FAM13C: variants seen among roughly 807,000 people sequenced by gnomAD.
The protein encoded by FAM13C is family with sequence similarity 13 member C.
A neutral mutation model predicts 73.2 loss-of-function variants in FAM13C; 37 were observed. That is an observed-to-expected ratio of 0.51 (90% confidence interval 0.39 to 0.67). The LOEUF (loss-of-function observed/expected upper bound fraction) is 0.67, where lower values mean the gene tolerates loss of function less well. Ranked by LOEUF, FAM13C falls within the 30% of genes least tolerant of loss-of-function variation. The pLI is 0.00. For missense variants in FAM13C, 589 were observed against 715.6 expected, an observed-to-expected ratio of 0.82 and a Z score of 2.02; for synonymous variants, 246 against 260.9, an observed-to-expected ratio of 0.94 and a Z score of 0.55.
intron 3 of FAM13C, among the ~76,000 whole-genome samples, chr10:59,338,356 G>A (rs982249493): frequency 6.6e-6 from 1 of 152,040 alleles, no homozygotes; most frequent in Admixed American, 6.5e-5. Flanking sequence ...CACAACTACA[G>A]AAGTCCATGG....
intron 4 of FAM13C, among the ~76,000 whole-genome samples, chr10:59,307,432 A>C (rs1848385930): frequency 6.6e-6 from 1 of 152,212 alleles, no homozygotes; most frequent in South Asian, 2.1e-4. Flanking sequence ...ACTACCCCAG[A>C]GTGGGTCTTC....
At chr10:59,329,853 C>T (rs1235601135) in intron 3 of FAM13C, among the ~76,000 whole-genome samples, 1 of 152,084 alleles carries the variant, frequency 6.6e-6, no homozygotes, top group African/African-American at 2.4e-5. Context: ...TTCTCATTTA[C>T]TAGGAGGTAG....
At chr10:59,280,847 G>A (rs1170872027) in intron 6 of FAM13C, among the ~76,000 whole-genome samples, 1 of 152,180 alleles carries the variant, frequency 6.6e-6, no homozygotes, top group Non-Finnish European at 1.5e-5. Context: ...AGCCAATCAA[G>A]TCTATAGTGA....
At chr10:59,309,854 TA>T (rs1848719200) in intron 4 of FAM13C, among the ~76,000 whole-genome samples, 1 of 152,230 alleles carries the variant, frequency 6.6e-6, no homozygotes, top group Non-Finnish European at 1.5e-5. Flanking sequence ...CATATGTTTG[TA>T]AATAACGTAT....
chr10:59,362,847 C>T (rs949056315), upstream of FAM13C: 1 of 253,870 alleles, frequency 3.9e-6, no homozygotes, highest in Non-Finnish European at 7.4e-6. Context: ...GTGTTTCTGC[C>T]GAAGTGCTGA....
intron 3 of FAM13C, among the ~76,000 whole-genome samples, chr10:59,348,110 A>G (rs945913336): frequency 6.6e-6 from 1 of 152,224 alleles, no homozygotes; most frequent in African/African-American, 2.4e-5. Context: ...GAACCCCAAT[A>G]TGGCAGTAGC....
chr10:59,307,315 A>G (rs1244606390), intron 4 of FAM13C, among the ~76,000 whole-genome samples: 1 of 152,084 alleles, frequency 6.6e-6, no homozygotes, highest in Non-Finnish European at 1.5e-5. Context: ...TTGCTTCGTT[A>G]TGTGCTAGGC....
chr10:59,299,216 CATAA>C (rs1404994626), intron 5 of FAM13C, among the ~76,000 whole-genome samples: 1 of 151,908 alleles, frequency 6.6e-6, no homozygotes, highest in African/African-American at 2.4e-5. Flanking sequence ...CATTGTATCC[CATAA>C]ATATATACAA....
At chr10:59,263,503 ATTAAAG>A (rs1842722615) in intron 9 of FAM13C, among the ~76,000 whole-genome samples, 2 of 152,208 alleles carry the variant, frequency 1.3e-5, no homozygotes, top group South Asian at 2.1e-4. Flanking sequence ...GTCTCTAAGT[ATTAAAG>A]TTAGAGTGTG....
chr10:59,311,495 A>G (rs974973547), intron 4 of FAM13C, among the ~76,000 whole-genome samples: 1 of 152,136 alleles, frequency 6.6e-6, no homozygotes, highest in Non-Finnish European at 1.5e-5. Flanking sequence ...AATACATTCC[A>G]TACACTTAGT....
intron 4 of FAM13C, among the ~76,000 whole-genome samples, chr10:59,303,765 TC>T (rs2133871604): frequency 6.6e-6 from 1 of 152,318 alleles, no homozygotes; most frequent in East Asian, 1.9e-4. Flanking sequence ...ATAAATTTGT[TC>T]CCATTGTGGT....
chr10:59,324,228 T>C, intron 3 of FAM13C, 122 bp from the exon 4 acceptor site: 1 of 744,480 alleles, frequency 1.3e-6, no homozygotes, highest in South Asian at 1.9e-5. Flanking sequence ...CTGCTGATTG[T>C]AGTGTGGGAA....
intron 5 of FAM13C, among the ~76,000 whole-genome samples, chr10:59,286,586 T>TG (rs1370628818): frequency 6.8e-6 from 1 of 146,604 alleles, no homozygotes. Flanking sequence ...GAGCTGGTGC[T>TG]GGGGGGTGGG....
At chr10:59,253,316 T>C (rs534573590) in intron 11 of FAM13C, among the ~76,000 whole-genome samples, 3 of 152,352 alleles carry the variant, frequency 2.0e-5, no homozygotes, top group African/African-American at 7.2e-5. Flanking sequence ...AAGTGGTTCC[T>C]CCCTTTCACT....
intron 5 of FAM13C, among the ~76,000 whole-genome samples, chr10:59,292,329 G>T (rs1184262984): frequency 6.6e-6 from 1 of 152,228 alleles, no homozygotes; most frequent in African/African-American, 2.4e-5. Flanking sequence ...AGTCTGGGTT[G>T]TAGCCCATAT....
Position 59,246,776 on chromosome 10 carries a change from A to G in FAM13C, c.*838T>C, listed in dbSNP as rs548989404. 1.1e-3 allele frequency: 420 copies of G among 395,006 alleles called. 3 individuals carry two copies. The highest frequency in any genetic ancestry group is 7.8e-3 in the African/African-American group (382 of 48,676). 24.5% of individuals were successfully genotyped at this position (395,006 alleles called of 1,614,324 possible). A position where few individuals can be genotyped will look rare whatever the true frequency, so the allele number is the denominator to read the frequency against. ...ACATTAAGAAAAATGTATATTCCCA[A>G]TGAAAAAATAGTTATATCATCTTAT... On this transcript the variant is annotated 3_prime_UTR_variant, in exon 14 of 14. Transcript: ENST00000618804.
intron 8 of FAM13C, among the ~76,000 whole-genome samples, chr10:59,268,214 A>T (rs1564499685): frequency 6.9e-6 from 1 of 144,198 alleles, no homozygotes; most frequent in Non-Finnish European, 1.5e-5. Context: ...GTGAAAAAAA[A>T]AGAAAAAAGA....
rs145636126 is a variant in FAM13C at position 59,348,644 on chromosome 10, T to G, written c.324+3626A>C. Among the ~76,000 whole-genome samples the G allele has an allele frequency of 4.3e-3, 650 of 152,188 alleles. 4 individuals are homozygous for G. The highest frequency in any genetic ancestry group is 0.015 in the African/African-American group (625 of 41,520). ...GACCTACTCCAGACTTCATGAATCT[T>G]TTTTTTTCCTTTGAGATGGAGTCTT... On this transcript the variant is annotated intron_variant, in intron 3 of 13. Coordinates refer to ENST00000618804, the MANE Select transcript of FAM13C (RefSeq NM_198215.4).
rs142933252 is a variant in FAM13C at position 59,283,428 on chromosome 10, T to A, written c.527A>T (p.His176Leu). Residue 176 changes from histidine to leucine, a missense_variant, in exon 6 of 14, where the codon CAT becomes CTT. By Grantham distance (99) the His-to-Leu change is moderately conservative. Coordinates refer to ENST00000618804, the MANE Select transcript of FAM13C (RefSeq NM_198215.4). ...DLNEEEAAQV[H>L]GVKDPAPAST... is the part of the protein sequence containing the mutation. ...TGCTGGCGCCGGGTCCTTGACTCCA[T>A]GCACCTGAGCAGCTTCTTCCTGGTT... The A allele has an allele frequency of 2.5e-5, 40 of 1,614,096 alleles. No individual in the cohort carries two copies. Among genetic ancestry groups the A allele is most frequent in the Non-Finnish European group, 3.2e-5 (38 of 1,180,034 alleles).
Sources: gnomAD v4.1 joint callset for allele counts (sites outside exome capture counted in the v4.1 genomes callset) on GRCh38, gnomAD v4.1.1 for gene constraint, MANE v1.5 for transcripts, NCBI Gene and HGNC (gene_info 2026-07-23, HGNC 2026-07-21) for gene names.